RYR2: variants seen among roughly 807,000 people sequenced by gnomAD.
The protein encoded by RYR2 is cardiac muscle ryanodine receptor-calcium release channel.
Under a neutral mutation model 601.1 loss-of-function variants are expected in RYR2, and 227 were observed. The ratio of observed to expected loss-of-function variants is 0.38; its 90% CI spans 0.34 to 0.42. The LOEUF is 0.42. Among genes scored for constraint, RYR2 ranks in the 10% least tolerant of loss-of-function variants. RYR2 has a pLI of 1.00. For synonymous variants in RYR2, 2,223 were observed against 2,175.1 expected (o/e 1.02, Z -0.61); for missense variants, 4,646 against 6,156.5 (o/e 0.75, Z 8.21).
chr1:237,438,507 T>C (rs114835631), intron 12 of RYR2, among the ~76,000 whole-genome samples: 3,807 of 152,316 alleles, frequency 0.025, 171 homozygotes, highest in African/African-American at 0.087. Flanking sequence ...CTCTTTTACA[T>C]GAGGAGTTGC....
At chr1:237,553,491 G>A (rs1225962514) in intron 27 of RYR2, among the ~76,000 whole-genome samples, 1 of 151,866 alleles carries the variant, frequency 6.6e-6, no homozygotes, top group African/African-American at 2.4e-5. Flanking sequence ...TTAAAATCAG[G>A]TAGGGCAAGT....
chr1:237,445,629 T>C (rs1024886028), intron 14 of RYR2, 107 bp downstream of exon 14: 8 of 1,358,146 alleles, frequency 5.9e-6, no homozygotes, highest in Middle Eastern at 2.1e-4. Flanking sequence ...ATAAATCTCA[T>C]ACTGTTTGGT....
chr1:237,715,035 A>C (rs1440939954), intron 71 of RYR2, among the ~76,000 whole-genome samples: 1 of 137,888 alleles, frequency 7.3e-6, no homozygotes, highest in Non-Finnish European at 1.6e-5. Context: ...GGCTCAGGTG[A>C]TTGATTTAAG....
In RYR2 at chr1:237,541,656, G is replaced by A. The variant is rs543399644; in HGVS notation, c.2907-6775G>A. On this transcript the variant is annotated intron_variant, in intron 25 of 104. Transcript: ENST00000366574. ...CTTTTAATCACCTGGGTGCAGGTGG[G>A]CTGAGTCCGAAAAGAGAGTCAGCGA... is the stretch of plus-strand genomic sequence containing the variant. 5.2e-4 allele frequency among the ~76,000 whole-genome samples: 79 copies of A among 152,208 alleles called. 1 individual carries two copies. In the South Asian group the frequency reaches 0.01, roughly 20 times the overall value.
intron 1 of RYR2, among the ~76,000 whole-genome samples, chr1:237,046,371 G>A (rs1326528611): frequency 6.6e-6 from 1 of 152,158 alleles, no homozygotes; most frequent in East Asian, 1.9e-4. Context: ...TATGTTTTAG[G>A]TTTATAGCAA....
chr1:237,703,558 AC>A (rs1242291115), intron 66 of RYR2, among the ~76,000 whole-genome samples: 2 of 148,636 alleles, frequency 1.3e-5, no homozygotes, highest in Non-Finnish European at 3.0e-5. Context: ...ACCATTTTTT[AC>A]CTTTATATAT....
rs72751287 is a variant in RYR2, at chr1:237,717,194, A to G, written c.10324-4A>G. 3.2e-3 allele frequency: 5,172 copies of G among 1,613,052 alleles called. 13 individuals carry two copies. Among genetic ancestry groups the G allele is most frequent in the Non-Finnish European group, 4.2e-3 (4,980 of 1,179,330 alleles). On this transcript the variant is annotated splice_polypyrimidine_tract_variant and splice_region_variant and intron_variant, in intron 71 of 104. Transcript: ENST00000366574. The stretch of plus-strand genomic sequence containing the variant: ...AGATCCCAGCACTTCTCTTTGTTCC[A>G]TAGGCAGCTGTTTCTGATCAGGAAA...
chr1:237,105,945 T>C (rs963701870), intron 1 of RYR2, among the ~76,000 whole-genome samples: 2 of 151,560 alleles, frequency 1.3e-5, no homozygotes, highest in Non-Finnish European at 2.9e-5. Context: ...AGTTAGTTCA[T>C]GGGCTTCCAG....
Position 237,660,831 on chromosome 1 carries a change from C to T in RYR2, c.8320C>T (p.Pro2774Ser), listed in dbSNP as rs1683714185. The stretch of plus-strand genomic sequence containing the variant: ...CTAGGAAAAAGAAATTTATCGCTGG[C>T]CAATCAAAGAATCTTTAAAAACTAT... ...SEKEKEIYRW[P>S]IKESLKTMLA... The change falls in exon 56 of 105, where the codon CCA (proline) becomes TCA (serine). Residue 2774 changes from proline to serine, a missense_variant. Pro to Ser is a moderately conservative substitution (Grantham distance 74, BLOSUM62 -1). Transcript: ENST00000366574. 2 of 1,542,450 alleles carry T rather than the reference C, an allele frequency of 1.3e-6. No homozygotes were observed. The highest frequency in any genetic ancestry group is 1.8e-6 in the Non-Finnish European group (2 of 1,141,604).
intron 63 of RYR2, among the ~76,000 whole-genome samples, chr1:237,688,237 A>G (rs115729629): frequency 6.6e-6 from 1 of 152,166 alleles, no homozygotes; most frequent in Admixed American, 6.5e-5. Flanking sequence ...GAAAATGTGA[A>G]CCCTTTGCTC....
At position 237,590,685 on chromosome 1, in the gene RYR2, G is replaced by C. The variant is rs1167463878; in HGVS notation, c.3853G>C (p.Val1285Leu). Residue 1285 changes from valine (V) to leucine (L), a missense_variant, in exon 31 of 105, where the codon GTC (valine) becomes CTC (leucine). Coordinates refer to ENST00000366574, the MANE Select transcript of RYR2 (RefSeq NM_001035.3). Reference sequence around the variant, plus strand: ...CATAGACAGTTCCCCATGTTTAAAGGTCACTCAGAAGTCTTTTGGTTCTCA... The same window carrying C: ...CATAGACAGTTCCCCATGTTTAAAGCTCACTCAGAAGTCTTTTGGTTCTCA... ...GTIDSSPCLK[V>L]TQKSFGSQNS... The C allele has an allele frequency of 1.3e-6, 2 of 1,580,354 alleles. No homozygotes were observed. The highest frequency in any genetic ancestry group is 1.3e-5 in the African/African-American group (1 of 74,262).
chr1:237,801,495 T>C (rs1022701577), intron 97 of RYR2, among the ~76,000 whole-genome samples: 3 of 146,836 alleles, frequency 2.0e-5, no homozygotes, highest in African/African-American at 5.0e-5. Context: ...TGAGCCAAGA[T>C]TGCACCATTG....
chr1:237,088,465 G>A (rs1236353854), intron 1 of RYR2, among the ~76,000 whole-genome samples: 2 of 152,212 alleles, frequency 1.3e-5, no homozygotes, highest in East Asian at 3.8e-4. Context: ...CCTCCTGGAA[G>A]TTGTGTACTG....
intron 22 of RYR2, 147 bp from the exon 23 acceptor site, chr1:237,506,563 G>C: frequency 1.9e-6 from 1 of 516,000 alleles, no homozygotes; most frequent in Non-Finnish European, 3.4e-6. Context: ...AAAAAAGAAT[G>C]TCGTGAAATA....
chr1:237,660,917 C>T lies in RYR2; in HGVS notation c.8406C>T (p.Asn2802=). 1 of 1,475,728 alleles carries T rather than the reference C, an allele frequency of 6.8e-7. No individual in the cohort carries two copies. The highest frequency in any genetic ancestry group is 1.5e-5 in the South Asian group (1 of 66,912). The allele number at this position is 1,475,728 out of a possible 1,614,324, so 91.4% of individuals were successfully genotyped here. Residue 2802 remains asparagine, a synonymous_variant, in exon 56 of 105, where the codon AAC becomes AAT. Transcript: ENST00000366574. ...TREGDSMALY[N]RTRRISQTSQ... ...AGGGAGACAGCATGGCCCTTTACAA[C>T]CGGACTCGTCGTATTTCTCAGACAA...
At chr1:237,667,796 T>A (rs535716467) in intron 57 of RYR2, 87 bp from the exon 58 acceptor site, 9 of 950,298 alleles carry the variant, frequency 9.5e-6, no homozygotes, top group African/African-American at 8.4e-5. Flanking sequence ...TATGAGTTAT[T>A]CCTTTACGGT....
chr1:237,382,980 C>T (rs923528903), intron 8 of RYR2, among the ~76,000 whole-genome samples: 1 of 150,788 alleles, frequency 6.6e-6, no homozygotes, highest in Non-Finnish European at 1.5e-5. Context: ...CTTGTGTTTC[C>T]TGTCCTTAAA....
Position 237,228,768 on chromosome 1 carries a change from G to GA in RYR2, c.49-41720dup, listed in dbSNP as rs558431748. ...AATAATAAAAACCTTCCTCATAAGGGAAAAAAAAAGAGTAAGAACCTGCAC... is the reference window on the plus strand; with the variant it reads ...AATAATAAAAACCTTCCTCATAAGGGAAAAAAAAAAGAGTAAGAACCTGCAC... On this transcript the variant is annotated intron_variant, in intron 1 of 104. Transcript: ENST00000366574. Among the ~76,000 whole-genome samples the GA allele has an allele frequency of 3.7e-3, 562 of 150,158 alleles. 1 individual carries two copies. Among genetic ancestry groups the GA allele is most frequent in the Non-Finnish European group, 3.7e-3 (250 of 67,446 alleles).
chr1:237,742,310 G>C lies in RYR2; in HGVS notation c.11106G>C (p.Glu3702Asp). 6.4e-7 allele frequency: 1 copy of C among 1,557,084 alleles called. No individual in the cohort carries two copies. The highest frequency in any genetic ancestry group is 8.7e-7 in the Non-Finnish European group (1 of 1,147,466). Residue 3702 changes from glutamate (E) to aspartate (D), a missense_variant, in exon 80 of 105, where the codon GAG (glutamate) becomes GAC (aspartate). Physicochemically the swap from Glu to Asp is conservative, Grantham distance 45. Transcript: ENST00000366574. ...ADIMAKSCHD[E>D]EDDDGEEEVK... The stretch of plus-strand genomic sequence containing the variant: ...TAAATATACAGAGTTGTCATGATGA[G>C]GAAGATGACGATGGTGAAGAGGAAG...
Sources: gnomAD v4.1 joint callset for allele counts (sites outside exome capture counted in the v4.1 genomes callset) on GRCh38, gnomAD v4.1.1 for gene constraint, MANE v1.5 for transcripts, NCBI Gene and HGNC (gene_info 2026-07-23, HGNC 2026-07-21) for gene names.